Variants in COL23A1 observed in about 807,000 individuals in gnomAD.
COL23A1 encodes the protein collagen alpha-1(XXIII) chain.
In COL23A1, 97 loss-of-function variants were observed where a neutral mutation model predicts 99.3. The ratio of observed to expected loss-of-function variants is 0.98; its 90% CI spans 0.83 to 1.16. The LOEUF is 1.16. Ranked by LOEUF, COL23A1 falls within the 50% of genes most tolerant of loss-of-function variation. COL23A1 has a pLI of 0.00. For missense variants in COL23A1, 762 were observed against 757.4 expected (o/e 1.01, Z -0.07); for synonymous variants, 320 against 308.2 (o/e 1.04, Z -0.40).
At chr5:178,518,086 T>C (rs533385331) in intron 2 of COL23A1, among the ~76,000 whole-genome samples, 1 of 127,112 alleles carries the variant, frequency 7.9e-6, no homozygotes, top group East Asian at 3.1e-4. Context: ...AGATTAGGGA[T>C]TGGTGATGAC....
intron 2 of COL23A1, among the ~76,000 whole-genome samples, chr5:178,399,156 G>T (rs1764303427): frequency 6.6e-6 from 1 of 152,210 alleles, no homozygotes; most frequent in Non-Finnish European, 1.5e-5. Flanking sequence ...TCCTCACAAA[G>T]GAAAATCACT....
intron 1 of COL23A1, among the ~76,000 whole-genome samples, chr5:178,571,035 A>T (rs1763068514): frequency 6.6e-6 from 1 of 152,128 alleles, no homozygotes; most frequent in Admixed American, 6.5e-5. Flanking sequence ...CCCACCAGCC[A>T]GGCCAGTAAA....
intron 2 of COL23A1, among the ~76,000 whole-genome samples, chr5:178,543,430 CT>C: frequency 6.6e-6 from 1 of 152,172 alleles, no homozygotes; most frequent in South Asian, 2.1e-4. Flanking sequence ...TATAACAGTC[CT>C]TTTTTAAAAA....
At chr5:178,261,429 A>C (rs1380622894) in intron 11 of COL23A1, among the ~76,000 whole-genome samples, 1 of 149,406 alleles carries the variant, frequency 6.7e-6, no homozygotes, top group African/African-American at 2.5e-5. Flanking sequence ...TAGAAAATTA[A>C]AAAAAAAAAG....
At position 178,300,402 on chromosome 5, in the gene COL23A1, C is replaced by A. The variant is rs914198928; in HGVS notation, c.406+6473G>T. Among the ~76,000 whole-genome samples, 14 of 152,164 alleles carry A rather than the reference C, an allele frequency of 9.2e-5. No homozygotes were observed. The East Asian group carries it at 2.5e-3, about 27-fold the overall frequency. Reference sequence around the variant, plus strand: ...AGATAGTTTTGCCAGGTATAGATTTCTTTGTTGATAGTTTTTTTCCTTTTG... The same window carrying A: ...AGATAGTTTTGCCAGGTATAGATTTATTTGTTGATAGTTTTTTTCCTTTTG... On this transcript the variant is annotated intron_variant, in intron 3 of 28. Transcript: ENST00000390654.
At chr5:178,581,004 T>C (rs1317853196) in intron 1 of COL23A1, among the ~76,000 whole-genome samples, 1 of 152,124 alleles carries the variant, frequency 6.6e-6, no homozygotes, top group Non-Finnish European at 1.5e-5. Flanking sequence ...CGAGACTCTA[T>C]CTCAAAAAGA....
intron 1 of COL23A1, among the ~76,000 whole-genome samples, chr5:178,583,667 A>T (rs917869648): frequency 8.5e-5 from 13 of 152,310 alleles, no homozygotes; most frequent in South Asian, 4.1e-4. Context: ...CTGTTGGAAA[A>T]CAGAAACTAA....
At chr5:178,320,965 T>C (rs1368415877) in intron 2 of COL23A1, among the ~76,000 whole-genome samples, 3 of 152,254 alleles carry the variant, frequency 2.0e-5, no homozygotes, top group Non-Finnish European at 4.4e-5. Flanking sequence ...GGTGGTTCTT[T>C]GTCCTTGCCC....
intron 2 of COL23A1, among the ~76,000 whole-genome samples, chr5:178,329,720 T>C (rs1759899534): frequency 6.6e-6 from 1 of 152,036 alleles, no homozygotes; most frequent in African/African-American, 2.4e-5. Context: ...AGGCGGATCA[T>C]GAGGTCAGGA....
chr5:178,440,132 A>G (rs1766781326), intron 2 of COL23A1, among the ~76,000 whole-genome samples: 2 of 152,184 alleles, frequency 1.3e-5, no homozygotes, highest in African/African-American at 2.4e-5. Flanking sequence ...GGCCCTGTCC[A>G]CTTACAATAG....
intron 2 of COL23A1, among the ~76,000 whole-genome samples, chr5:178,556,001 G>A (rs557616752): frequency 2.1e-4 from 32 of 152,326 alleles, no homozygotes; most frequent in African/African-American, 7.7e-4. Context: ...AACAAAGCAC[G>A]AGGAAGTCAG....
At chr5:178,391,591 G>A (rs568441611) in intron 2 of COL23A1, among the ~76,000 whole-genome samples, 1 of 152,258 alleles carries the variant, frequency 6.6e-6, no homozygotes, top group East Asian at 1.9e-4. Context: ...AAATGTTGGT[G>A]AGGATGGGGG....
chr5:178,438,331 A>T (rs181268783), intron 2 of COL23A1, among the ~76,000 whole-genome samples: 4 of 152,244 alleles, frequency 2.6e-5, no homozygotes, highest in Non-Finnish European at 4.4e-5. Flanking sequence ...GGAGGGGGAA[A>T]AAAAGGTATG....
chr5:178,572,489 T>C (rs900383258), intron 1 of COL23A1, among the ~76,000 whole-genome samples: 1 of 151,260 alleles, frequency 6.6e-6, no homozygotes, highest in Non-Finnish European at 1.5e-5. Flanking sequence ...CATAATCAGA[T>C]TGCTTAAAAC....
At chr5:178,361,059 G>A (rs1194872180) in intron 2 of COL23A1, among the ~76,000 whole-genome samples, 1 of 152,228 alleles carries the variant, frequency 6.6e-6, no homozygotes, top group Non-Finnish European at 1.5e-5. Context: ...GCTGCCTGGA[G>A]CTGCTGTCAG....
chr5:178,494,600 G>A (rs954820001), intron 2 of COL23A1, among the ~76,000 whole-genome samples: 12 of 152,194 alleles, frequency 7.9e-5, no homozygotes, highest in African/African-American at 2.9e-4. Context: ...ACTGGAACCC[G>A]GGAGGTGGAG....
chr5:178,244,279 G>A (rs147547805), intron 25 of COL23A1, among the ~76,000 whole-genome samples: 184 of 152,078 alleles, frequency 1.2e-3, no homozygotes, highest in African/African-American at 4.2e-3. Flanking sequence ...GTGAGCCACC[G>A]TGCCTGGCCG....
chr5:178,364,514 T>G (rs1484018984), intron 2 of COL23A1, among the ~76,000 whole-genome samples: 1 of 150,122 alleles, frequency 6.7e-6, no homozygotes, highest in East Asian at 2.0e-4. Context: ...AGCTTGTTCA[T>G]CTGGTGGAGT....
At position 178,239,143 on chromosome 5, in the gene COL23A1, T is replaced by TA. The variant is rs1362149309; in HGVS notation, c.1617dup (p.Lys540Ter). 1.9e-6 allele frequency: 3 copies of TA among 1,613,766 alleles called. No homozygotes were observed. The highest frequency in any genetic ancestry group is 2.5e-6 in the Non-Finnish European group (3 of 1,179,886). On this transcript the variant is annotated frameshift_variant, in exon 28 of 29. Transcript: ENST00000390654. LOFTEE classifies it high-confidence loss of function. ...CTGGAGACTTCCCTGCACGGTACCT[T>TA]ATGCCAGCAGCCAGGCACAGGCAGC...
Sources: gnomAD v4.1 joint callset for allele counts (sites outside exome capture counted in the v4.1 genomes callset) on GRCh38, gnomAD v4.1.1 for gene constraint, MANE v1.5 for transcripts, NCBI Gene and HGNC (gene_info 2026-07-23, HGNC 2026-07-21) for gene names.